Variants in LRRC24 observed in about 807,000 individuals in gnomAD.
The protein encoded by LRRC24 is leucine-rich repeat-containing protein 24.
A neutral mutation model predicts 15.3 loss-of-function variants in LRRC24; 19 were observed. The ratio of observed to expected loss-of-function variants is 1.25; its 90% CI spans 0.87 to 1.83. LRRC24 has a LOEUF of 1.83. Among genes scored for constraint, LRRC24 ranks in the 40% most tolerant of loss-of-function variants. LRRC24 has a pLI of 0.00. For missense variants in LRRC24, 914 were observed against 723.9 expected, an observed-to-expected ratio of 1.26 and a Z score of -3.01; for synonymous variants, 469 against 359.6, an observed-to-expected ratio of 1.30 and a Z score of -3.44.
Position 144,523,381 on chromosome 8 carries a change from C to A in LRRC24, c.636G>T (p.Leu212=). 6.4e-7 allele frequency: 1 copy of A among 1,554,598 alleles called. No homozygotes were observed. The highest frequency in any genetic ancestry group is 8.7e-7 in the Non-Finnish European group (1 of 1,149,288). ...TENPWRCDCA[L]HWLGAWIKEG... ...CCTTGATCCAGGCACCCAGCCAGTG[C>A]AGGGCGCAGTCACAGCGCCATGGGT... is the stretch of plus-strand genomic sequence containing the variant. Residue 212 remains leucine, a synonymous_variant, in exon 5 of 5, where the codon CTG becomes CTT. Coordinates refer to ENST00000529415, the MANE Select transcript of LRRC24 (RefSeq NM_001024678.4).
intron 2 of LRRC24, 43 bp downstream of exon 2, chr8:144,524,773 C>G: frequency 7.0e-7 from 1 of 1,435,890 alleles, no homozygotes; most frequent in Non-Finnish European, 9.1e-7. Flanking sequence ...TCTTCCTCTC[C>G]CTGGGGGCAC....
chr8:144,526,167 A>C (rs2130801257), intron 1 of LRRC24: 1 of 152,350 alleles, frequency 6.6e-6, no homozygotes, highest in South Asian at 2.1e-4. Context: ...TGGTGTTTAA[A>C]TCTTGCCCTA....
Position 144,522,839 on chromosome 8 carries a change from C to T in LRRC24, c.1178G>A (p.Ser393Asn). Reference protein sequence around the residue: ...AGSEPRPEAGSMAFRALGVAT... With the variant: ...AGSEPRPEAGNMAFRALGVAT... ...CACGCCCAGGGCGCGGAAGGCCATGCTGCCCGCCTCGGGCCGGGGCTCGCT... is the reference window on the plus strand; with the variant it reads ...CACGCCCAGGGCGCGGAAGGCCATGTTGCCCGCCTCGGGCCGGGGCTCGCT... The change falls in exon 5 of 5, where the codon AGC (serine) becomes AAC (asparagine). Residue 393 changes from serine (S) to asparagine (N), a missense_variant. Transcript: ENST00000529415. 2.2e-6 allele frequency: 3 copies of T among 1,378,194 alleles called. No homozygotes were observed. Among genetic ancestry groups the T allele is most frequent in the South Asian group, 3.3e-5 (2 of 60,012 alleles). The allele number at this position is 1,378,194 out of a possible 1,614,324, so 85.4% of individuals were successfully genotyped here.
Position 144,523,327 on chromosome 8 carries a change from C to T in LRRC24, c.690G>A (p.Arg230=), listed in dbSNP as rs117651270. 2.4e-4 allele frequency: 380 copies of T among 1,598,250 alleles called. No individual in the cohort carries two copies. In the East Asian group the frequency reaches 5.3e-3, roughly 22 times the overall value. Reference sequence around the variant, plus strand: ...GCTCTGCACACATGATCTTCCTGTCCCTGGAGGTGAGCAGCCGCTGGCCGC... The same window carrying T: ...GCTCTGCACACATGATCTTCCTGTCTCTGGAGGTGAGCAGCCGCTGGCCGC... The part of the protein sequence containing the change: ...KEGGQRLLTS[R]DRKIMCAEPP... Residue 230 remains arginine (R), a synonymous_variant, in exon 5 of 5, where the codon AGG becomes AGA. Coordinates refer to ENST00000529415, the MANE Select transcript of LRRC24 (RefSeq NM_001024678.4).
In LRRC24 at chr8:144,524,987, G is replaced by T; in HGVS notation, c.-13C>A. ...CCCTCAGGGCCATCTCCCGAGGCCCGGTTCCTCACCGGCCCTTCCGCGGTT... is the reference window on the plus strand; with the variant it reads ...CCCTCAGGGCCATCTCCCGAGGCCCTGTTCCTCACCGGCCCTTCCGCGGTT... On this transcript the variant is annotated 5_prime_UTR_variant, in exon 2 of 5. Transcript: ENST00000529415. 2 of 1,439,972 alleles carry T rather than the reference G, an allele frequency of 1.4e-6. No homozygotes were observed. The highest frequency in any genetic ancestry group is 1.8e-6 in the Non-Finnish European group (2 of 1,098,420). 89.2% of individuals were successfully genotyped at this position (1,439,972 alleles called of 1,614,324 possible). A position where few individuals can be genotyped will look rare whatever the true frequency, so the allele number is the denominator to read the frequency against.
At chr8:144,523,967 G>T in intron 4 of LRRC24, 143 bp downstream of exon 4, 1 of 961,378 alleles carries the variant, frequency 1.0e-6, no homozygotes, top group Non-Finnish European at 1.6e-6. Context: ...CACTCCCGCA[G>T]CCCTCCAGTG....
At chr8:144,523,448 C>T in intron 4 of LRRC24, 39 bp from the exon 5 acceptor site, 1 of 1,503,052 alleles carries the variant, frequency 6.7e-7, no homozygotes. Context: ...CTTGAGGGTG[C>T]TGCTAAAACA....
intron 4 of LRRC24, 141 bp downstream of exon 4, chr8:144,523,969 C>T (rs994255187): frequency 5.1e-6 from 5 of 981,334 alleles, no homozygotes; most frequent in Non-Finnish European, 7.6e-6. Context: ...CTCCCGCAGC[C>T]CTCCAGTGTG....
Position 144,522,765 on chromosome 8 carries a change from CCGTGAGCGCCAGCA to C in LRRC24, c.1238_1251del (p.Leu413ArgfsTer73), listed in dbSNP as rs1354551665. 1 of 1,574,552 alleles carries C rather than the reference CCGTGAGCGCCAGCA, an allele frequency of 6.4e-7. No homozygotes were observed. On this transcript the variant is annotated frameshift_variant, in exon 5 of 5. Coordinates refer to ENST00000529415, the MANE Select transcript of LRRC24 (RefSeq NM_001024678.4). LOFTEE classifies it low-confidence loss of function (END_TRUNC). ...CAGATCATGGCGACCAGGAGCAGCG[CCGTGAGCGCCAGCA>C]GCGCGATGGCCGCCGCAATGGCCGT...
At chr8:144,525,565 G>A (rs895321192) in intron 1 of LRRC24, among the ~76,000 whole-genome samples, 12 of 152,226 alleles carry the variant, frequency 7.9e-5, no homozygotes, top group African/African-American at 2.9e-4. Flanking sequence ...CCTCAGAGGA[G>A]CTACGAGCCC....
Position 144,522,503 on chromosome 8 carries a change from G to A in LRRC24, c.1514C>T (p.Pro505Leu), listed in dbSNP as rs1377440416. 2.0e-6 allele frequency: 3 copies of A among 1,495,326 alleles called. No individual in the cohort carries two copies. Among genetic ancestry groups the A allele is most frequent in the African/African-American group, 1.5e-5 (1 of 68,942 alleles). 92.6% of individuals were successfully genotyped at this position (1,495,326 alleles called of 1,614,324 possible). The change falls in exon 5 of 5, where the codon CCG becomes CTG. Residue 505 changes from proline to leucine, a missense_variant. Physicochemically the swap from Pro to Leu is moderately conservative, Grantham distance 98. Coordinates refer to ENST00000529415, the MANE Select transcript of LRRC24 (RefSeq NM_001024678.4). ...GCAGTGGATCTCGTAGGCGACCGGC[G>A]GGGGCACGCGGAGTCCCGGCCCCGC... ...QGAGPGLRVP[P>L]PVAYEIHC
Position 144,523,039 on chromosome 8 carries a change from G to A in LRRC24, c.978C>T (p.Gly326=). 2 of 1,602,264 alleles carry A rather than the reference G, an allele frequency of 1.2e-6. No individual in the cohort carries two copies. Among genetic ancestry groups the A allele is most frequent in the Non-Finnish European group, 1.7e-6 (2 of 1,176,280 alleles). The change falls in exon 5 of 5, where the codon GGC becomes GGT. Residue 326 remains glycine (G), a synonymous_variant. Transcript: ENST00000529415. The part of the protein sequence containing the change: ...GLGGHSASDT[G]SGMLFLSNIT... ...TGTTGCTGAGGAAGAGCATGCCGCT[G>A]CCCGTGTCGGATGCCGAGTGTCCGC... is the stretch of plus-strand genomic sequence containing the variant.
chr8:144,522,443 C>T lies in LRRC24; in HGVS notation c.*32G>A, dbSNP rs113431579. On this transcript the variant is annotated 3_prime_UTR_variant, in exon 5 of 5. Transcript: ENST00000529415. ...TGCGCGAGGCCGCACCGGCCAATCT[C>T]CGGCGCCCACGTCATCCGCGCGCCC... 2 of 1,391,224 alleles carry T rather than the reference C, an allele frequency of 1.4e-6. No individual in the cohort carries two copies. Among genetic ancestry groups the T allele is most frequent in the African/African-American group, 1.5e-5 (1 of 65,700 alleles). The allele number at this position is 1,391,224 out of a possible 1,614,324, so 86.2% of individuals were successfully genotyped here.
In LRRC24 at chr8:144,524,559, C is replaced by T; in HGVS notation, c.320G>A (p.Ser107Asn). 6.4e-7 allele frequency: 1 copy of T among 1,570,664 alleles called. No individual in the cohort carries two copies. Among genetic ancestry groups the T allele is most frequent in the Non-Finnish European group, 8.6e-7 (1 of 1,166,694 alleles). Residue 107 changes from serine (S) to asparagine (N), a missense_variant, in exon 3 of 5, where the codon AGC (serine) becomes AAC (asparagine). By Grantham distance (46) the Ser-to-Asn change is conservative. Coordinates refer to ENST00000529415, the MANE Select transcript of LRRC24 (RefSeq NM_001024678.4). Reference sequence around the variant, plus strand: ...GCTGCGCAAGCCGCGCAGCCGGTTGCTAGTGAGCGCCAGCTCCAGCAGGCG... The same window carrying T: ...GCTGCGCAAGCCGCGCAGCCGGTTGTTAGTGAGCGCCAGCTCCAGCAGGCG... ...QPRLLELALT[S>N]NRLRGLRSGA...
In LRRC24 at chr8:144,522,950, A is replaced by T; in HGVS notation, c.1067T>A (p.Val356Glu). 1 of 1,571,518 alleles carries T rather than the reference A, an allele frequency of 6.4e-7. No individual in the cohort carries two copies. Among genetic ancestry groups the T allele is most frequent in the Non-Finnish European group, 8.6e-7 (1 of 1,166,872 alleles). ...CGCGTTGACCAGGAGCCGGAAGGGC[A>T]CGCGGGCAGCGCCGCCGGCGTTGGA... ...EASNAGGAAR[V>E]PFRLLVNASR... Residue 356 changes from valine (V) to glutamate (E), a missense_variant, in exon 5 of 5, where the codon GTG (valine) becomes GAG (glutamate). By Grantham distance (121) the Val-to-Glu change is moderately radical (BLOSUM62 -2). Coordinates refer to ENST00000529415, the MANE Select transcript of LRRC24 (RefSeq NM_001024678.4).
In LRRC24 at chr8:144,522,554, G is replaced by A. The variant is rs1400029914; in HGVS notation, c.1463C>T (p.Pro488Leu). The change falls in exon 5 of 5, where the codon CCC becomes CTC. Residue 488 changes from proline (P) to leucine (L), a missense_variant. Coordinates refer to ENST00000529415, the MANE Select transcript of LRRC24 (RefSeq NM_001024678.4). ...CCCCTGTTCCGGGCCGCAGTCAGCG[G>A]GCGCCTCCGCCGGACCCTCGGCGAA... The part of the protein sequence containing the change: ...PLFAEGPAEA[P>L]ADCGPEQGAG... 2.6e-6 allele frequency: 4 copies of A among 1,537,408 alleles called. No homozygotes were observed. The South Asian group carries it at 4.9e-5, about 19-fold the overall frequency.
chr8:144,524,492 C>T lies in LRRC24; in HGVS notation c.387G>A (p.Leu129=), dbSNP rs777498406. The T allele has an allele frequency of 4.4e-6, 7 of 1,597,510 alleles. No individual in the cohort carries two copies. Among genetic ancestry groups the T allele is most frequent in the South Asian group, 1.1e-5 (1 of 90,974 alleles). The change falls in exon 3 of 5, where the codon CTG becomes CTA. Residue 129 remains leucine (L), a synonymous_variant. Coordinates refer to ENST00000529415, the MANE Select transcript of LRRC24 (RefSeq NM_001024678.4). ...GCAGCCGCGCCAGCTGGTTGCCCGC[C>T]AGGTAGAGCACGCGCAGCTGGGCCA... The part of the protein sequence containing the change: ...VGLAQLRVLY[L]AGNQLARLLD...
chr8:144,523,020 T>C lies in LRRC24; in HGVS notation c.997A>G (p.Ser333Gly). The part of the protein sequence containing the change: ...SDTGSGMLFL[S>G]NITLAHAGKY... ...CCGGCGTGCGCCAGCGTGATGTTGCTGAGGAAGAGCATGCCGCTGCCCGTG... is the reference window on the plus strand; with the variant it reads ...CCGGCGTGCGCCAGCGTGATGTTGCCGAGGAAGAGCATGCCGCTGCCCGTG... The change falls in exon 5 of 5, where the codon AGC (serine) becomes GGC (glycine). Residue 333 changes from serine to glycine, a missense_variant. Ser to Gly is a moderately conservative substitution (Grantham distance 56). Coordinates refer to ENST00000529415, the MANE Select transcript of LRRC24 (RefSeq NM_001024678.4). 1.3e-6 allele frequency: 2 copies of C among 1,598,450 alleles called. No individual in the cohort carries two copies. The highest frequency in any genetic ancestry group is 1.7e-6 in the Non-Finnish European group (2 of 1,175,168).
At chr8:144,525,995 A>G (rs1816345912) in intron 1 of LRRC24, 1 of 152,202 alleles carries the variant, frequency 6.6e-6, no homozygotes, top group African/African-American at 2.4e-5. Flanking sequence ...TTTTAAAAGT[A>G]GGGATCTGGG....
Sources: gnomAD v4.1 joint callset for allele counts (sites outside exome capture counted in the v4.1 genomes callset) on GRCh38, gnomAD v4.1.1 for gene constraint, MANE v1.5 for transcripts, NCBI Gene and HGNC (gene_info 2026-07-23, HGNC 2026-07-21) for gene names.